The following PTPRD variants were observed in gnomAD, a reference collection of about 807,000 sequenced individuals.
PTPRD encodes receptor-type tyrosine-protein phosphatase delta.
PTPRD carries 34 observed loss-of-function variants against 214.5 expected under a neutral mutation model. The ratio of observed to expected loss-of-function variants is 0.16; its 90% CI spans 0.12 to 0.21. The LOEUF is 0.21. Ranked by LOEUF, PTPRD falls within the 10% of genes least tolerant of loss-of-function variation. The pLI is 1.00. For missense variants in PTPRD, 2,545 were observed against 2,398.7 expected (o/e 1.06, Z -1.27); for synonymous variants, 1,128 against 845.7 (o/e 1.33, Z -5.79).
At chr9:8,566,976 G>T (rs2089490183) in intron 14 of PTPRD, among the ~76,000 whole-genome samples, 1 of 152,036 alleles carries the variant, frequency 6.6e-6, no homozygotes, top group Non-Finnish European at 1.5e-5. Flanking sequence ...CTTTTGCAAG[G>T]TATGTTTCTT....
intron 44 of PTPRD, among the ~76,000 whole-genome samples, chr9:8,330,077 T>G (rs573540761): frequency 6.6e-6 from 1 of 152,166 alleles, no homozygotes; most frequent in East Asian, 1.9e-4. Flanking sequence ...TGGGCCAGAG[T>G]GTACTGTTCC....
intron 5 of PTPRD, among the ~76,000 whole-genome samples, chr9:9,897,443 C>T (rs1337361720): frequency 6.6e-6 from 1 of 151,918 alleles, no homozygotes; most frequent in Non-Finnish European, 1.5e-5. Flanking sequence ...TTGAACTCTA[C>T]AGTAAATCTT....
chr9:10,248,872 T>G (rs1224836784), intron 3 of PTPRD, among the ~76,000 whole-genome samples: 5 of 93,240 alleles, frequency 5.4e-5, no homozygotes, highest in Non-Finnish European at 1.4e-4. Flanking sequence ...AGAGGTGATA[T>G]TTTATCTTTT....
intron 7 of PTPRD, among the ~76,000 whole-genome samples, chr9:9,709,070 T>C (rs1313686220): frequency 1.3e-5 from 2 of 152,002 alleles, no homozygotes; most frequent in African/African-American, 4.8e-5. Context: ...TTTAAGATCT[T>C]ATAAAACATT....
chr9:9,401,409 T>A (rs1030946483), intron 8 of PTPRD, among the ~76,000 whole-genome samples: 4 of 152,038 alleles, frequency 2.6e-5, no homozygotes. Flanking sequence ...CCAGTCCTTA[T>A]TTCTCATATC....
chr9:9,968,494 A>G (rs1157788064), intron 4 of PTPRD, among the ~76,000 whole-genome samples: 1 of 152,212 alleles, frequency 6.6e-6, no homozygotes, highest in Non-Finnish European at 1.5e-5. Flanking sequence ...ATTAAATGCA[A>G]AAGTAAAGAG....
intron 2 of PTPRD, among the ~76,000 whole-genome samples, chr9:10,440,310 T>G (rs2098750423): frequency 6.6e-6 from 1 of 151,926 alleles, no homozygotes; most frequent in African/African-American, 2.4e-5. Context: ...TCATTTTAGT[T>G]AGTTTTTTAA....
At chr9:9,138,384 T>C (rs1018352628) in intron 10 of PTPRD, among the ~76,000 whole-genome samples, 3 of 152,202 alleles carry the variant, frequency 2.0e-5, no homozygotes, top group African/African-American at 7.2e-5. Context: ...TGTACAATTA[T>C]TATTATCATT....
chr9:9,541,776 A>T (rs2077635469), intron 8 of PTPRD, among the ~76,000 whole-genome samples: 1 of 151,786 alleles, frequency 6.6e-6, no homozygotes, highest in African/African-American at 2.4e-5. Flanking sequence ...ATATTTCCAG[A>T]GTAAGTCAGT....
intron 12 of PTPRD, among the ~76,000 whole-genome samples, chr9:8,661,492 A>G (rs922949182): frequency 1.3e-5 from 2 of 152,142 alleles, no homozygotes; most frequent in African/African-American, 4.8e-5. Flanking sequence ...AGGAACAATA[A>G]AAGTGTTAGA....
chr9:10,514,603 C>A (rs1423912600), intron 2 of PTPRD, among the ~76,000 whole-genome samples: 2 of 151,702 alleles, frequency 1.3e-5, no homozygotes, highest in African/African-American at 4.8e-5. Context: ...TTTTGGAATT[C>A]AGTAACTTTT....
chr9:9,639,031 T>C (rs2095857050), intron 7 of PTPRD, among the ~76,000 whole-genome samples: 1 of 152,184 alleles, frequency 6.6e-6, no homozygotes, highest in African/African-American at 2.4e-5. Context: ...CCCAATACTG[T>C]TGCATTCGGA....
At chr9:10,018,445 G>C (rs1007358780) in intron 4 of PTPRD, among the ~76,000 whole-genome samples, 1 of 149,426 alleles carries the variant, frequency 6.7e-6, no homozygotes, top group South Asian at 2.2e-4. Flanking sequence ...GATACAAATA[G>C]CAGATAAAAT....
intron 10 of PTPRD, among the ~76,000 whole-genome samples, chr9:9,076,532 G>T (rs906790467): frequency 2.6e-5 from 4 of 152,028 alleles, no homozygotes; most frequent in Non-Finnish European, 4.4e-5. Context: ...GCTTCCACAA[G>T]TAAGTGAGAA....
intron 2 of PTPRD, among the ~76,000 whole-genome samples, chr9:10,461,873 C>T (rs2098961661): frequency 6.6e-6 from 1 of 152,096 alleles, no homozygotes; most frequent in African/African-American, 2.4e-5. Context: ...CCGCCCGCCC[C>T]AGCCTCCCAA....
chr9:9,692,807 C>T lies in PTPRD; in HGVS notation c.-287+41726G>A, dbSNP rs539222620. On this transcript the variant is annotated intron_variant, in intron 7 of 45. Coordinates refer to ENST00000381196, the MANE Select transcript of PTPRD (RefSeq NM_002839.4). ...TTTTAGTGGCCTCTTAAATTTCTTT[C>T]ATCAGTGTTTTATAGTTTTCACTGT... 2.8e-4 allele frequency among the ~76,000 whole-genome samples: 43 copies of T among 151,920 alleles called. 2 individuals carry two copies. The South Asian group carries it at 6.6e-3, about 23-fold the overall frequency.
intron 9 of PTPRD, among the ~76,000 whole-genome samples, chr9:9,187,629 T>C (rs528843323): frequency 2.0e-5 from 3 of 152,104 alleles, no homozygotes; most frequent in South Asian, 2.1e-4. Context: ...AACCTTGTTC[T>C]AATGTCATCC....
At chr9:9,514,884 AT>A (rs1434325713) in intron 8 of PTPRD, among the ~76,000 whole-genome samples, 1 of 152,106 alleles carries the variant, frequency 6.6e-6, no homozygotes, top group African/African-American at 2.4e-5. Flanking sequence ...GTGGTCTCTC[AT>A]TAAATTGCTC....
intron 35 of PTPRD, among the ~76,000 whole-genome samples, chr9:8,430,934 T>A (rs2095005092): frequency 1.3e-5 from 2 of 152,194 alleles, no homozygotes; most frequent in Admixed American, 1.3e-4. Context: ...TATATACTTG[T>A]CTTTGACAAC....
Sources: allele counts gnomAD v4.1 joint callset (sites outside exome capture counted in the v4.1 genomes callset), GRCh38; gene constraint gnomAD v4.1.1; transcripts MANE v1.5; gene names NCBI Gene and HGNC (gene_info 2026-07-23, HGNC 2026-07-21).